Variants in KCNH2 observed in about 807,000 individuals in gnomAD.
KCNH2 encodes voltage-gated inwardly rectifying potassium channel KCNH2.
In KCNH2, 35 loss-of-function variants were observed where a neutral mutation model predicts 95.9. The observed-to-expected ratio is 0.37, with a 90% CI of 0.28 to 0.48. KCNH2 has a LOEUF of 0.48. KCNH2 is among the 20% of genes least tolerant of loss of function. The pLI, the probability that KCNH2 is intolerant of heterozygous loss-of-function variation, is 0.99. For missense variants in KCNH2, 1,274 were observed against 1,702.9 expected (o/e 0.75, Z 4.43); for synonymous variants, 786 against 754.7 (o/e 1.04, Z -0.68).
intron 2 of KCNH2, among the ~76,000 whole-genome samples, chr7:150,965,480 C>T (rs1168577139): frequency 6.6e-6 from 1 of 152,148 alleles, no homozygotes; most frequent in South Asian, 2.1e-4. Context: ...AACAAGGGCA[C>T]GCTGATGCCA....
intron 2 of KCNH2, among the ~76,000 whole-genome samples, chr7:150,970,232 C>A (rs1037650882): frequency 6.6e-6 from 1 of 151,850 alleles, no homozygotes; most frequent in Non-Finnish European, 1.5e-5. Flanking sequence ...CAGGAAGCCA[C>A]CTCTGGGGAG....
chr7:150,958,269 C>A lies in KCNH2; in HGVS notation c.706G>T (p.Gly236Cys). The A allele has an allele frequency of 6.9e-7, 1 of 1,448,368 alleles. No homozygotes were observed. Among genetic ancestry groups the A allele is most frequent in the Non-Finnish European group, 9.1e-7 (1 of 1,103,932 alleles). The allele number at this position is 1,448,368 out of a possible 1,614,324, so 89.7% of individuals were successfully genotyped here. A position where few individuals can be genotyped will look rare whatever the true frequency, so the allele number is the denominator to read the frequency against. ...GCGCTGCGGGGCGGAGAGCCGGGAC[C>A]CACCAGCGCACGCCGCTCCTCCGCG... ...GPAEERRALV[G>C]PGSPPRSAPG... Residue 236 changes from glycine (G) to cysteine (C), a missense_variant, in exon 4 of 15, where the codon GGT becomes TGT. This residue lies in a region of KCNH2 where 392 missense variants were observed against 429.9 expected (regional missense o/e 0.91). Coordinates refer to ENST00000262186, the MANE Select transcript of KCNH2 (RefSeq NM_000238.4).
intron 8 of KCNH2, 76 bp downstream of exon 8, chr7:150,950,845 C>T: frequency 6.9e-6 from 10 of 1,458,964 alleles, no homozygotes; most frequent in Non-Finnish European, 9.6e-6. Context: ...GACTTGTTTG[C>T]TGTGCCAAGA....
chr7:150,967,511 C>G (rs1227931525), intron 2 of KCNH2, among the ~76,000 whole-genome samples: 1 of 152,180 alleles, frequency 6.6e-6, no homozygotes, highest in Non-Finnish European at 1.5e-5. Context: ...GGGAGATTAA[C>G]CTGATAAAGG....
intron 2 of KCNH2, among the ~76,000 whole-genome samples, chr7:150,969,607 C>T (rs569091515): frequency 1.3e-5 from 2 of 152,344 alleles, no homozygotes; most frequent in Non-Finnish European, 1.5e-5. Context: ...GCTCCTGCAA[C>T]GCAGCACACT....
At chr7:150,949,962 A>T (rs759763392) in intron 9 of KCNH2, 1 of 1,539,738 alleles carries the variant, frequency 6.5e-7, no homozygotes, top group South Asian at 1.2e-5. Flanking sequence ...GAATGTGGGA[A>T]CCCCAGAGTT....
intron 1 of KCNH2, among the ~76,000 whole-genome samples, chr7:150,977,045 C>T (rs1368122639): frequency 2.0e-5 from 3 of 152,120 alleles, no homozygotes; most frequent in Non-Finnish European, 4.4e-5. Flanking sequence ...TGAATGCTGC[C>T]CACCCCCAGG....
chr7:150,967,913 C>T (rs1332374129), intron 2 of KCNH2, among the ~76,000 whole-genome samples: 1 of 152,194 alleles, frequency 6.6e-6, no homozygotes, highest in East Asian at 1.9e-4. Flanking sequence ...CTAGAGTACA[C>T]AAGCAACTCC....
chr7:150,975,403 G>C (rs1419379560), intron 1 of KCNH2, among the ~76,000 whole-genome samples: 3 of 152,176 alleles, frequency 2.0e-5, no homozygotes, highest in Non-Finnish European at 4.4e-5. Flanking sequence ...AGACTGGGGG[G>C]CGCTCCCTGA....
In KCNH2 at chr7:150,947,875, G is replaced by C. The variant is rs1480554629; in HGVS notation, c.2696C>G (p.Thr899Arg). 2 of 1,530,302 alleles carry C rather than the reference G, an allele frequency of 1.3e-6. No homozygotes were observed. The highest frequency in any genetic ancestry group is 1.7e-6 in the Non-Finnish European group (2 of 1,144,612). 94.8% of individuals were successfully genotyped at this position (1,530,302 alleles called of 1,614,324 possible). A position where few individuals can be genotyped will look rare whatever the true frequency, so the allele number is the denominator to read the frequency against. The change falls in exon 12 of 15, where the codon ACG becomes AGG. Residue 899 changes from threonine (T) to arginine (R), a missense_variant. Transcript: ENST00000262186. Reference protein sequence around the residue: ...LSFRRRTDKDTEQPGEVSALG... With the variant: ...LSFRRRTDKDREQPGEVSALG... Reference sequence around the variant, plus strand: ...GGCCGACACCTCCCCTGGCTGCTCCGTGTCTGTGGGAAACAGAGAATGGGC... The same window carrying C: ...GGCCGACACCTCCCCTGGCTGCTCCCTGTCTGTGGGAAACAGAGAATGGGC...
Position 150,950,156 on chromosome 7 carries a change from C to T in KCNH2, c.2398+12G>A. 1 of 760,490 alleles carries T rather than the reference C, an allele frequency of 1.3e-6. No individual in the cohort carries two copies. The highest frequency in any genetic ancestry group is 1.4e-5 in the South Asian group (1 of 74,042). The allele number at this position is 760,490 out of a possible 1,614,324, so 47.1% of individuals were successfully genotyped here. A position where few individuals can be genotyped will look rare whatever the true frequency, so the allele number is the denominator to read the frequency against. On this transcript the variant is annotated intron_variant, in intron 9 of 14. Transcript: ENST00000262186. ...GGCATTTCCAGTCCAGTGCCCGCCC[C>T]CCACCCCATACCCAGGATGGCCACG...
Position 150,970,377 on chromosome 7 carries a change from A to G in KCNH2, c.307+4334T>C, listed in dbSNP as rs1366916391. Among the ~76,000 whole-genome samples, 2 of 151,840 alleles carry G rather than the reference A, an allele frequency of 1.3e-5. 1 individual carries two copies. Among genetic ancestry groups the G allele is most frequent in the Non-Finnish European group, 2.9e-5 (2 of 67,986 alleles). ...GACAGCTCTTCGCAAATATTTACAT[A>G]GCTCCTCTCCGGGGGCTGCAGAAGA... On this transcript the variant is annotated intron_variant, in intron 2 of 14. Transcript: ENST00000262186.
intron 2 of KCNH2, among the ~76,000 whole-genome samples, chr7:150,967,149 C>T (rs1216072106): frequency 6.6e-6 from 1 of 152,040 alleles, no homozygotes; most frequent in Non-Finnish European, 1.5e-5. Flanking sequence ...TGTGGTGGTG[C>T]ACACCTGTAA....
rs2968860 is a variant in KCNH2, at chr7:150,948,594, G to A, written c.2593-51C>T. On this transcript the variant is annotated intron_variant, in intron 10 of 14. Transcript: ENST00000262186. ...CCTTTCAGTGCTCTCCTGCCCCACC[G>A]GGGTCAGGCCCCAAGCTCCCTCCTT... 0.6 allele frequency: 911,230 copies of A among 1,513,210 alleles called. 277,928 individuals are homozygous for A. The highest frequency in any genetic ancestry group is 0.9 in the East Asian group (40,109 of 44,360). 93.7% of individuals were successfully genotyped at this position (1,513,210 alleles called of 1,614,324 possible).
In KCNH2 at chr7:150,947,874, C is replaced by G; in HGVS notation, c.2697G>C (p.Thr899=). ...LSFRRRTDKD[T]EQPGEVSALG... ...AGGCCGACACCTCCCCTGGCTGCTC[C>G]GTGTCTGTGGGAAACAGAGAATGGG... Residue 899 remains threonine (T), a synonymous_variant, in exon 12 of 15, where the codon ACG becomes ACC. Coordinates refer to ENST00000262186, the MANE Select transcript of KCNH2 (RefSeq NM_000238.4). The G allele has an allele frequency of 6.5e-7, 1 of 1,530,382 alleles. No individual in the cohort carries two copies. Among genetic ancestry groups the G allele is most frequent in the Non-Finnish European group, 8.7e-7 (1 of 1,144,578 alleles). 94.8% of individuals were successfully genotyped at this position (1,530,382 alleles called of 1,614,324 possible).
chr7:150,952,886 G>A lies in KCNH2; in HGVS notation c.1129-33C>T. 6.2e-7 allele frequency: 1 copy of A among 1,604,686 alleles called. No homozygotes were observed. The highest frequency in any genetic ancestry group is 8.5e-7 in the Non-Finnish European group (1 of 1,176,736). On this transcript the variant is annotated intron_variant, in intron 5 of 14. Coordinates refer to ENST00000262186, the MANE Select transcript of KCNH2 (RefSeq NM_000238.4). The surrounding 1 kb of genome is among the most constrained non-coding windows in gnomAD (Gnocchi z 7.3). ...CGGGGAAGGCGGAGGTGTGGGTGAG[G>A]CAGGCCATGGGACCTCGGGGGCAGG...
rs41307340 is a variant in KCNH2 at position 150,968,591 on chromosome 7, G to C, written c.307+6120C>G. Among the ~76,000 whole-genome samples the C allele has an allele frequency of 1.2e-4, 18 of 152,328 alleles. No individual in the cohort carries two copies. The East Asian group carries it at 3.1e-3, about 26-fold the overall frequency. Reference sequence around the variant, plus strand: ...AACATATGCAAGCAACACATTCACAGTAAGTACATTTGAACGGTTGCCTAT... The same window carrying C: ...AACATATGCAAGCAACACATTCACACTAAGTACATTTGAACGGTTGCCTAT... On this transcript the variant is annotated intron_variant, in intron 2 of 14. Transcript: ENST00000262186.
Position 150,955,442 on chromosome 7 carries a change from C to T in KCNH2, c.1128+1849G>A, listed in dbSNP as rs1167016668. 2 of 1,565,886 alleles carry T rather than the reference C, an allele frequency of 1.3e-6. No individual in the cohort carries two copies. Among genetic ancestry groups the T allele is most frequent in the Admixed American group, 3.7e-5 (2 of 53,978 alleles). The stretch of plus-strand genomic sequence containing the variant: ...GATGCGCACGGCCCGCCTCACCCGG[C>T]CTTTCTGGGCCCTGGGCCGCAGAGC... On this transcript the variant is annotated intron_variant, in intron 5 of 14. Transcript: ENST00000262186.
At chr7:150,968,725 A>G (rs1345870985) in intron 2 of KCNH2, among the ~76,000 whole-genome samples, 2 of 152,150 alleles carry the variant, frequency 1.3e-5, no homozygotes, top group African/African-American at 4.8e-5. Flanking sequence ...TTTGGGGGAG[A>G]GGCAGGACCC....
Sources: gnomAD v4.1 joint callset for allele counts (sites outside exome capture counted in the v4.1 genomes callset) on GRCh38, gnomAD v4.1.1 for gene constraint, gnomAD v4.1.1 regional missense constraint, Gnocchi (gnomAD v3.1) non-coding constraint, MANE v1.5 for transcripts, NCBI Gene and HGNC (gene_info 2026-07-23, HGNC 2026-07-21) for gene names.